PCDHGB7: variants seen among roughly 807,000 people sequenced by gnomAD.
The protein encoded by PCDHGB7 is protocadherin gamma-B7.
In PCDHGB7, 37 loss-of-function variants were observed where a neutral mutation model predicts 61.4. The observed-to-expected ratio is 0.60, with a 90% CI of 0.46 to 0.79. The LOEUF (loss-of-function observed/expected upper bound fraction) is 0.79. Among genes scored for constraint, PCDHGB7 ranks in the 30% least tolerant of loss-of-function variants. The pLI is 0.00. For missense variants in PCDHGB7, 1,166 were observed against 1,202.5 expected (o/e 0.97, Z 0.45); for synonymous variants, 464 against 503.5 (o/e 0.92, Z 1.05).
Position 141,485,665 on chromosome 5 carries a change from C to G in PCDHGB7, c.2416-9142C>G. ...AGGCTCAGGATGCAGATGTGGGGAG[C>G]AATTCGATTAGCAGCTATAGGCTGA... On this transcript the variant is annotated intron_variant, in intron 1 of 3. Coordinates refer to ENST00000398594, the MANE Select transcript of PCDHGB7 (RefSeq NM_018927.4). This position sits in a 1 kb window ranked among gnomAD's most constrained non-coding sequence, Gnocchi z 5.7. 1 of 1,612,622 alleles carries G rather than the reference C, an allele frequency of 6.2e-7. No individual in the cohort carries two copies.
chr5:141,421,787 C>A (rs753196648), intron 1 of PCDHGB7: 1 of 1,613,812 alleles, frequency 6.2e-7, no homozygotes, highest in East Asian at 2.2e-5. Flanking sequence ...CGGGGCAGAA[C>A]GGATGGGGCC....
chr5:141,500,104 T>C (rs917633032), intron 2 of PCDHGB7, among the ~76,000 whole-genome samples: 1 of 152,124 alleles, frequency 6.6e-6, no homozygotes, highest in Non-Finnish European at 1.5e-5. Context: ...AATTTATTTG[T>C]TGAATCCCTG....
chr5:141,494,153 G>T (rs2099752286), intron 1 of PCDHGB7, among the ~76,000 whole-genome samples: 1 of 152,186 alleles, frequency 6.6e-6, no homozygotes, highest in Non-Finnish European at 1.5e-5. Flanking sequence ...CCATTGTCTG[G>T]CACGGAGTTC....
intron 1 of PCDHGB7, chr5:141,442,197 A>G (rs1267971703): frequency 1.3e-5 from 2 of 153,426 alleles, no homozygotes; most frequent in African/African-American, 4.8e-5. Context: ...ATTAATTTAT[A>G]TCTGGTGATT....
At chr5:141,453,492 G>A (rs1046043468) in intron 1 of PCDHGB7, among the ~76,000 whole-genome samples, 7 of 152,000 alleles carry the variant, frequency 4.6e-5, no homozygotes, top group African/African-American at 7.3e-5. Context: ...AAAAAAAGGT[G>A]TACTCAGAAA....
intron 1 of PCDHGB7, among the ~76,000 whole-genome samples, chr5:141,463,618 T>G (rs2099065558): frequency 6.6e-6 from 1 of 151,792 alleles, no homozygotes; most frequent in African/African-American, 2.4e-5. Context: ...CCGGCTAATT[T>G]TTTGTATTTT....
chr5:141,431,146 T>G lies in PCDHGB7; in HGVS notation c.2415+10872T>G. On this transcript the variant is annotated intron_variant, in intron 1 of 3. Coordinates refer to ENST00000398594, the MANE Select transcript of PCDHGB7 (RefSeq NM_018927.4). The surrounding 1 kb of genome is among the most constrained non-coding windows in gnomAD (Gnocchi z 4.8). The stretch of plus-strand genomic sequence containing the variant: ...TAGAAGTAAGGGACATTAACGACAA[T>G]GCGCCTTACTTTCGTGAAAGTGAAT... 6.2e-7 allele frequency: 1 copy of G among 1,614,124 alleles called. No individual in the cohort carries two copies. Among genetic ancestry groups the G allele is most frequent in the African/African-American group, 1.3e-5 (1 of 75,022 alleles).
At chr5:141,478,189 C>T (rs774322691) in intron 1 of PCDHGB7, 1 of 1,614,020 alleles carries the variant, frequency 6.2e-7, no homozygotes, top group South Asian at 1.1e-5. Context: ...AAAATCTCAC[C>T]TTTTATCTAC....
intron 2 of PCDHGB7, among the ~76,000 whole-genome samples, chr5:141,503,855 TA>T (rs2099832899): frequency 1.3e-5 from 2 of 152,136 alleles, no homozygotes; most frequent in Non-Finnish European, 2.9e-5. Context: ...GGAAAAATTG[TA>T]AAGCAGTTCT....
chr5:141,468,463 T>G (rs574151637), intron 1 of PCDHGB7: 6 of 152,282 alleles, frequency 3.9e-5, no homozygotes, highest in African/African-American at 1.4e-4. Flanking sequence ...AGCAAGTTAT[T>G]TCTGAGGAGA....
rs758205179 is a variant in PCDHGB7 at position 141,477,813 on chromosome 5, A to G, written c.2416-16994A>G. ...ACTGATCGCAATGACAATGCCCCCC[A>G]GGTCCTATATCCTCGGCCAGGTGGG... On this transcript the variant is annotated intron_variant, in intron 1 of 3. Transcript: ENST00000398594. This position sits in a 1 kb window ranked among gnomAD's most constrained non-coding sequence, Gnocchi z 4.9. The G allele has an allele frequency of 8.1e-6, 13 of 1,614,002 alleles. No homozygotes were observed. The East Asian group carries it at 2.7e-4, about 33-fold the overall frequency.
chr5:141,432,887 T>A lies in PCDHGB7; in HGVS notation c.2415+12613T>A, dbSNP rs146168033. On this transcript the variant is annotated intron_variant, in intron 1 of 3. Coordinates refer to ENST00000398594, the MANE Select transcript of PCDHGB7 (RefSeq NM_018927.4). The surrounding 1 kb of genome is among the most constrained non-coding windows in gnomAD (Gnocchi z 6.0). ...CTGCGTCTTCCTGGCCTTCGTCATC[T>A]TGCTGCTGGCGCTCAGGCTGCGGCG... 1.2e-6 allele frequency: 2 copies of A among 1,614,056 alleles called. No homozygotes were observed. Among genetic ancestry groups the A allele is most frequent in the Non-Finnish European group, 1.7e-6 (2 of 1,179,998 alleles).
At chr5:141,433,321 G>T in intron 1 of PCDHGB7, 1 of 788,106 alleles carries the variant, frequency 1.3e-6, no homozygotes. Flanking sequence ...TGCCTCCGGT[G>T]TAACAGGGAC....
chr5:141,433,993 T>C (rs1367687577), intron 1 of PCDHGB7, among the ~76,000 whole-genome samples: 1 of 152,216 alleles, frequency 6.6e-6, no homozygotes, highest in Admixed American at 6.5e-5. Flanking sequence ...GAGTTTTATA[T>C]TCTCTATATA....
chr5:141,485,980 G>C lies in PCDHGB7; in HGVS notation c.2416-8827G>C, dbSNP rs151239937. 1 of 1,614,020 alleles carries C rather than the reference G, an allele frequency of 6.2e-7. No individual in the cohort carries two copies. The highest frequency in any genetic ancestry group is 1.3e-5 in the African/African-American group (1 of 74,914). The stretch of plus-strand genomic sequence containing the variant: ...TCATCCAGCTCAATGCCTCAGACCC[G>C]GACCTGGGTCCCAGTGGTAACGTCA... On this transcript the variant is annotated intron_variant, in intron 1 of 3. Transcript: ENST00000398594. The surrounding 1 kb of genome is among the most constrained non-coding windows in gnomAD (Gnocchi z 5.7).
Position 141,490,835 on chromosome 5 carries a change from T to C in PCDHGB7, c.2416-3972T>C, listed in dbSNP as rs1284804400. 4 of 1,613,728 alleles carry C rather than the reference T, an allele frequency of 2.5e-6. No individual in the cohort carries two copies. The highest frequency in any genetic ancestry group is 1.1e-5 in the South Asian group (1 of 91,076). On this transcript the variant is annotated intron_variant, in intron 1 of 3. Transcript: ENST00000398594. This position sits in a 1 kb window ranked among gnomAD's most constrained non-coding sequence, Gnocchi z 5.4. ...TATGAATTGCTGCAGATGCTGCAGATTGTGGTGGGGGTTCGAGACTCCGGC... is the reference window on the plus strand; with the variant it reads ...TATGAATTGCTGCAGATGCTGCAGACTGTGGTGGGGGTTCGAGACTCCGGC...
intron 2 of PCDHGB7, among the ~76,000 whole-genome samples, chr5:141,504,704 A>G (rs965376942): frequency 1.3e-5 from 2 of 151,356 alleles, no homozygotes; most frequent in African/African-American, 4.8e-5. Flanking sequence ...AGGTTCTTCT[A>G]TGGCCGTGGA....
intron 2 of PCDHGB7, among the ~76,000 whole-genome samples, chr5:141,503,456 A>G (rs920770738): frequency 1.3e-5 from 2 of 152,058 alleles, no homozygotes; most frequent in African/African-American, 4.8e-5. Context: ...TTCGCTGGGC[A>G]TGGTGGCATG....
chr5:141,432,090 A>T lies in PCDHGB7; in HGVS notation c.2415+11816A>T. 1 of 1,614,164 alleles carries T rather than the reference A, an allele frequency of 6.2e-7. No homozygotes were observed. Among genetic ancestry groups the T allele is most frequent in the Non-Finnish European group, 8.5e-7 (1 of 1,180,034 alleles). On this transcript the variant is annotated intron_variant, in intron 1 of 3. Transcript: ENST00000398594. The surrounding 1 kb of genome is among the most constrained non-coding windows in gnomAD (Gnocchi z 6.0). ...ACTCATATCTCGCTGAACGTGGCAG[A>T]CACCAACGACAACCCGCCGGTCTTC... is the stretch of plus-strand genomic sequence containing the variant.
Sources: allele counts gnomAD v4.1 joint callset (sites outside exome capture counted in the v4.1 genomes callset), GRCh38; gene constraint gnomAD v4.1.1; non-coding constraint Gnocchi (gnomAD v3.1); transcripts MANE v1.5; gene names NCBI Gene and HGNC (gene_info 2026-07-23, HGNC 2026-07-21).